PLEK2: variants seen among roughly 807,000 people sequenced by gnomAD.
The protein encoded by PLEK2 is pleckstrin-2.
A neutral mutation model predicts 43.8 loss-of-function variants in PLEK2; 29 were observed. The observed-to-expected ratio is 0.66, with a 90% CI of 0.49 to 0.90. The LOEUF (loss-of-function observed/expected upper bound fraction) is 0.90. Ranked by LOEUF, PLEK2 falls within the 40% of genes least tolerant of loss-of-function variation. PLEK2 has a pLI of 0.00. For synonymous variants in PLEK2, 162 were observed against 173.2 expected, an observed-to-expected ratio of 0.94 and a Z score of 0.51; for missense variants, 398 against 448.1, an observed-to-expected ratio of 0.89 and a Z score of 1.01.
In PLEK2 at chr14:67,409,768, G is replaced by A. The variant is rs117397038; in HGVS notation, c.42+2250C>T. ...CACTCCGGCTTCCAACGCAGGCCCT[G>A]CCCCACCTCTGAGCTCTTAACTCTC... On this transcript the variant is annotated intron_variant, in intron 1 of 8. Coordinates refer to ENST00000216446, the MANE Select transcript of PLEK2 (RefSeq NM_016445.3). Among the ~76,000 whole-genome samples, 9 of 152,256 alleles carry A rather than the reference G, an allele frequency of 5.9e-5. No individual in the cohort carries two copies. In the South Asian group the frequency reaches 1.0e-3, roughly 18 times the overall value.
intron 3 of PLEK2, among the ~76,000 whole-genome samples, chr14:67,395,000 C>A (rs1194849880): frequency 1.3e-5 from 2 of 152,146 alleles, no homozygotes; most frequent in African/African-American, 4.8e-5. Flanking sequence ...TTGGACTTCC[C>A]AGCCTCTATA....
chr14:67,393,023 T>C (rs1444230090), intron 4 of PLEK2, 127 bp downstream of exon 4: 3 of 901,852 alleles, frequency 3.3e-6, no homozygotes, highest in African/African-American at 1.6e-5. Flanking sequence ...CACATGGCCA[T>C]CTCAGGCTAG....
intron 6 of PLEK2, among the ~76,000 whole-genome samples, chr14:67,391,782 T>C (rs1312036748): frequency 1.3e-5 from 2 of 152,214 alleles, no homozygotes; most frequent in East Asian, 3.9e-4. Flanking sequence ...TGGTTCAACA[T>C]AGCTGCTCTC....
intron 6 of PLEK2, among the ~76,000 whole-genome samples, chr14:67,391,801 G>T (rs114626563): frequency 6.6e-6 from 1 of 152,168 alleles, no homozygotes; most frequent in Non-Finnish European, 1.5e-5. Context: ...TCCCAAACAC[G>T]GTTTAGGAGT....
In PLEK2 at chr14:67,387,317, C is replaced by G; in HGVS notation, c.*12G>C. On this transcript the variant is annotated 3_prime_UTR_variant, in exon 9 of 9. Coordinates refer to ENST00000216446, the MANE Select transcript of PLEK2 (RefSeq NM_016445.3). ...GGTAGGAGGGAGGAATCCTGGTTCC[C>G]TCAGGTCCTTGTCATGTTAGCTTTT... The G allele has an allele frequency of 1.9e-6, 3 of 1,606,784 alleles. No individual in the cohort carries two copies. Among genetic ancestry groups the G allele is most frequent in the Middle Eastern group, 1.7e-4 (1 of 6,042 alleles).
intron 2 of PLEK2, among the ~76,000 whole-genome samples, chr14:67,395,805 T>C (rs1166590245): frequency 6.6e-6 from 1 of 152,176 alleles, no homozygotes; most frequent in Non-Finnish European, 1.5e-5. Flanking sequence ...GACAAGGTAG[T>C]TACTGTAGGG....
rs1463032128 is a variant in PLEK2, at chr14:67,412,072, A to C, written c.-13T>G. On this transcript the variant is annotated 5_prime_UTR_variant, in exon 1 of 9. Transcript: ENST00000216446. ...CGCCGTCCTCCATGTCGCCGCCCGCACGCCAGGGCCACCCCAGGTGCGCCT... is the reference window on the plus strand; with the variant it reads ...CGCCGTCCTCCATGTCGCCGCCCGCCCGCCAGGGCCACCCCAGGTGCGCCT... 5 of 1,537,916 alleles carry C rather than the reference A, an allele frequency of 3.3e-6. No homozygotes were observed. The Admixed American group carries it at 9.9e-5, about 30-fold the overall frequency.
Position 67,390,708 on chromosome 14 carries a change from A to G in PLEK2, c.810T>C (p.Val270=), listed in dbSNP as rs754327696. The G allele has an allele frequency of 6.2e-7, 1 of 1,613,980 alleles. No homozygotes were observed. The highest frequency in any genetic ancestry group is 8.5e-7 in the Non-Finnish European group (1 of 1,179,830). The change falls in exon 7 of 9, where the codon GTT becomes GTC. Residue 270 remains valine (V), a synonymous_variant. Coordinates refer to ENST00000216446, the MANE Select transcript of PLEK2 (RefSeq NM_016445.3). ...KRKNWKVRRF[V]LRKDPAFLHY... is the part of the protein sequence containing the mutation. ...GCAGGAAAGCTGGATCCTTCCTTAG[A>G]ACAAAGCGACGCACCTTCCAGTTTT...
intron 1 of PLEK2, among the ~76,000 whole-genome samples, chr14:67,408,548 T>C (rs890498322): frequency 6.8e-4 from 104 of 152,156 alleles, no homozygotes; most frequent in African/African-American, 2.5e-3. Context: ...TTGACTGGTG[T>C]CCTTATAGGA....
intron 1 of PLEK2, among the ~76,000 whole-genome samples, chr14:67,398,935 A>G (rs1295945332): frequency 1.3e-5 from 2 of 152,206 alleles, no homozygotes; most frequent in Non-Finnish European, 2.9e-5. Flanking sequence ...AATGACGATT[A>G]TGTGGATACA....
chr14:67,395,814 G>A (rs2086004409), intron 2 of PLEK2, among the ~76,000 whole-genome samples: 1 of 152,082 alleles, frequency 6.6e-6, no homozygotes, highest in African/African-American at 2.4e-5. Flanking sequence ...GTTACTGTAG[G>A]GCCTGCCTCC....
At chr14:67,409,532 C>A (rs913157860) in intron 1 of PLEK2, among the ~76,000 whole-genome samples, 4 of 152,218 alleles carry the variant, frequency 2.6e-5, no homozygotes, top group Non-Finnish European at 5.9e-5. Context: ...GAACGCCCGG[C>A]AGTGCTTCTG....
intron 4 of PLEK2, 141 bp from the exon 5 acceptor site, chr14:67,392,990 A>G (rs2085980433): frequency 3.4e-6 from 3 of 870,252 alleles, no homozygotes; most frequent in African/African-American, 1.7e-5. Context: ...CACCTGCTGC[A>G]TAGAGCCGTG....
rs761588094 is a variant in PLEK2, at chr14:67,388,296, T to G, written c.862A>C (p.Asn288His). 1.1e-5 allele frequency: 18 copies of G among 1,609,862 alleles called. 1 individual carries two copies. Among genetic ancestry groups the G allele is most frequent in the Middle Eastern group, 3.3e-4 (2 of 6,074 alleles). The change falls in exon 8 of 9, where the codon AAC becomes CAC. Residue 288 changes from asparagine (N) to histidine (H), a missense_variant. Asn to His is a moderately conservative substitution (Grantham distance 68). Coordinates refer to ENST00000216446, the MANE Select transcript of PLEK2 (RefSeq NM_016445.3). ...AGAGAAAACCCACCCACTGGCCTGT[T>G]CTCTTCCTGTAGAGGAAAGGAGACC... ...LHYYDPSKEE[N>H]RPVGGFSLRG...
chr14:67,397,715 G>A lies in PLEK2; in HGVS notation c.154C>T (p.Leu52Phe), dbSNP rs2086020530. ...RRVTPPKGRI[L>F]LDGCTITCPC... ...CAGGTGATGGTGCAGCCATCCAGGA[G>A]GATCCGGCCCTTGGGAGGGGTCACT... The change falls in exon 2 of 9, where the codon CTC becomes TTC. Residue 52 changes from leucine to phenylalanine, a missense_variant. Leu to Phe is a conservative substitution (Grantham distance 22). Transcript: ENST00000216446. 1 of 1,613,646 alleles carries A rather than the reference G, an allele frequency of 6.2e-7. No homozygotes were observed. Among genetic ancestry groups the A allele is most frequent in the Non-Finnish European group, 8.5e-7 (1 of 1,179,810 alleles).
At chr14:67,409,384 A>G (rs2086101736) in intron 1 of PLEK2, among the ~76,000 whole-genome samples, 2 of 152,254 alleles carry the variant, frequency 1.3e-5, no homozygotes, top group African/African-American at 4.8e-5. Flanking sequence ...CTCTACAAAA[A>G]TACAAAATAA....
At chr14:67,411,136 CAAAAAA>C (rs925514488) in intron 1 of PLEK2, among the ~76,000 whole-genome samples, 1 of 52,072 alleles carries the variant, frequency 1.9e-5, no homozygotes, top group Non-Finnish European at 4.1e-5. Flanking sequence ...GACCCTGTCT[CAAAAAA>C]AAAAAAAAAA....
At chr14:67,398,590 ACGACCC>A (rs2086027280) in intron 1 of PLEK2, among the ~76,000 whole-genome samples, 1 of 137,602 alleles carries the variant, frequency 7.3e-6, no homozygotes, top group African/African-American at 2.9e-5. Flanking sequence ...AACCACCTAA[ACGACCC>A]TTCTCTTTAT....
intron 3 of PLEK2, 49 bp from the exon 4 acceptor site, chr14:67,393,290 G>A (rs924838914): frequency 7.6e-7 from 1 of 1,311,480 alleles, no homozygotes; most frequent in African/African-American, 1.4e-5. Flanking sequence ...CACGCGGGCA[G>A]GTATAAGGGA....
Sources: allele counts gnomAD v4.1 joint callset (sites outside exome capture counted in the v4.1 genomes callset), GRCh38; gene constraint gnomAD v4.1.1; transcripts MANE v1.5; gene names NCBI Gene and HGNC (gene_info 2026-07-23, HGNC 2026-07-21).